The following CYP46A1 variants were observed in gnomAD, a reference collection of about 807,000 sequenced individuals.
CYP46A1 encodes cytochrome P450 family 46 subfamily A member 1.
In CYP46A1, 20 loss-of-function variants were observed where a neutral mutation model predicts 63.3. The observed-to-expected ratio is 0.32, with a 90% CI of 0.22 to 0.46. CYP46A1 has a LOEUF of 0.46. Ranked by LOEUF, CYP46A1 falls within the 20% of genes least tolerant of loss-of-function variation. CYP46A1 has a pLI of 1.00. For missense variants in CYP46A1, 445 were observed against 670.8 expected (o/e 0.66, Z 3.72); for synonymous variants, 268 against 273.6 (o/e 0.98, Z 0.20).
chr14:99,684,441 C>G lies in CYP46A1; in HGVS notation c.24C>G (p.Leu8=), dbSNP rs894318358. 30 of 1,469,340 alleles carry G rather than the reference C, an allele frequency of 2.0e-5. No individual in the cohort carries two copies. The highest frequency in any genetic ancestry group is 1.6e-4 in the African/African-American group (11 of 67,876). 91.0% of individuals were successfully genotyped at this position (1,469,340 alleles called of 1,614,324 possible). Residue 8 remains leucine (L), a synonymous_variant, in exon 1 of 15, where the codon CTC becomes CTG. Coordinates refer to ENST00000261835, the MANE Select transcript of CYP46A1 (RefSeq NM_006668.2). MSPGLLL[L]GSAVLLAFGL... ...CCATGAGCCCCGGGCTGCTGCTGCT[C>G]GGCAGCGCCGTCCTGCTCGCCTTCG...
chr14:99,696,609 A>G (rs550131154), intron 3 of CYP46A1, among the ~76,000 whole-genome samples: 1 of 152,178 alleles, frequency 6.6e-6, no homozygotes, highest in East Asian at 1.9e-4. Flanking sequence ...TATTTGCTGT[A>G]CTTTTCTTTG....
chr14:99,690,475 T>C (rs1057433816), intron 1 of CYP46A1, among the ~76,000 whole-genome samples: 1 of 152,188 alleles, frequency 6.6e-6, no homozygotes, highest in African/African-American at 2.4e-5. Context: ...GCATTGAGCT[T>C]GGTAGGAATA....
intron 6 of CYP46A1, 64 bp from the exon 7 acceptor site, chr14:99,707,504 C>G: frequency 7.5e-7 from 1 of 1,337,796 alleles, no homozygotes; most frequent in Non-Finnish European, 1.1e-6. Flanking sequence ...TGATGCCAGG[C>G]TTTGCCCTGG....
Position 99,691,106 on chromosome 14 carries a change from T to C in CYP46A1, c.145T>C (p.Phe49Leu). Residue 49 changes from phenylalanine (F) to leucine (L), a missense_variant, in exon 2 of 15, where the codon TTT becomes CTT. By Grantham distance (22) the Phe-to-Leu change is conservative. Around this residue, in one of 4 missense-constraint regions of CYP46A1, gnomAD observed 252 missense variants for 383.3 expected, o/e 0.66. Coordinates refer to ENST00000261835, the MANE Select transcript of CYP46A1 (RefSeq NM_006668.2). ...TTTCCTTCTAGGACACCTCCCCTGC[T>C]TTTGGAAAAAGGATGAGGTTGGTGG... ...PSFLLGHLPC[F>L]WKKDEVGGRV... 1 of 1,614,198 alleles carries C rather than the reference T, an allele frequency of 6.2e-7. No homozygotes were observed. Among genetic ancestry groups the C allele is most frequent in the Non-Finnish European group, 8.5e-7 (1 of 1,180,032 alleles).
intron 1 of CYP46A1, among the ~76,000 whole-genome samples, chr14:99,688,228 G>A (rs1042612004): frequency 6.6e-6 from 1 of 152,182 alleles, no homozygotes; most frequent in Non-Finnish European, 1.5e-5. Flanking sequence ...CCAGGCATGT[G>A]TGATGATCAC....
chr14:99,726,467 G>T (rs1310063572), intron 14 of CYP46A1, 90 bp from the exon 15 acceptor site: 2 of 1,345,330 alleles, frequency 1.5e-6, no homozygotes, highest in East Asian at 2.6e-5. Context: ...CTCTCCAGGA[G>T]GAGAGCCGGC....
intron 2 of CYP46A1, chr14:99,691,529 CAAA>C: frequency 1.7e-6 from 1 of 577,888 alleles, no homozygotes; most frequent in Non-Finnish European, 3.1e-6. Context: ...TTGGGACAAT[CAAA>C]GAAGGAGTGT....
chr14:99,719,132 A>G (rs926014101), intron 10 of CYP46A1, among the ~76,000 whole-genome samples: 3 of 152,150 alleles, frequency 2.0e-5, no homozygotes, highest in Non-Finnish European at 4.4e-5. Flanking sequence ...TATACATAAC[A>G]TAAAATTTTA....
intron 5 of CYP46A1, chr14:99,703,565 T>C: frequency 1.0e-6 from 1 of 985,258 alleles, no homozygotes; most frequent in Non-Finnish European, 1.2e-6. Context: ...CTGGCATCTC[T>C]GCTGTTCCCA....
intron 13 of CYP46A1, 124 bp from the exon 14 acceptor site, chr14:99,726,066 A>C: frequency 1.2e-6 from 1 of 814,652 alleles, no homozygotes; most frequent in South Asian, 1.6e-5. Context: ...TTGCATGCAA[A>C]GTGCCCAGCC....
chr14:99,685,842 T>G (rs574226997), intron 1 of CYP46A1, among the ~76,000 whole-genome samples: 1 of 152,040 alleles, frequency 6.6e-6, no homozygotes, highest in South Asian at 2.1e-4. Flanking sequence ...CTTGCTTAGC[T>G]CCTCTGCCTT....
At chr14:99,695,692 G>T (rs906409712) in intron 3 of CYP46A1, among the ~76,000 whole-genome samples, 3 of 150,906 alleles carry the variant, frequency 2.0e-5, no homozygotes, top group Non-Finnish European at 2.9e-5. Flanking sequence ...GTGCAATGGC[G>T]CTATCTCGGC....
intron 7 of CYP46A1, chr14:99,712,224 A>G (rs1320450601): frequency 3.9e-5 from 6 of 152,212 alleles, no homozygotes; most frequent in African/African-American, 1.4e-4. Flanking sequence ...TAAGAACTGG[A>G]ACAGGATAAG....
At chr14:99,723,318 T>C (rs1446594706) in intron 12 of CYP46A1, among the ~76,000 whole-genome samples, 1 of 152,224 alleles carries the variant, frequency 6.6e-6, no homozygotes, top group Non-Finnish European at 1.5e-5. Context: ...ATTTTCATTA[T>C]TTTGTTTTTA....
In CYP46A1 at chr14:99,725,103, T is replaced by C. The variant is rs1431735883; in HGVS notation, c.1177-288T>C. On this transcript the variant is annotated intron_variant, in intron 12 of 14. Coordinates refer to ENST00000261835, the MANE Select transcript of CYP46A1 (RefSeq NM_006668.2). The surrounding 1 kb of genome is among the most constrained non-coding windows in gnomAD (Gnocchi z 4.2). ...CTGAGCCTCTCTCTGGGTCTCAGTT[T>C]CCTCATCTGTAAAATGGGGACAATG... 6.6e-6 allele frequency among the ~76,000 whole-genome samples: 1 copy of C among 152,186 alleles called. No homozygotes were observed. Among genetic ancestry groups the C allele is most frequent in the Non-Finnish European group, 1.5e-5 (1 of 68,026 alleles).
intron 5 of CYP46A1, among the ~76,000 whole-genome samples, chr14:99,701,485 T>C (rs1010150202): frequency 2.0e-5 from 3 of 152,238 alleles, no homozygotes; most frequent in African/African-American, 7.2e-5. Context: ...AGCAATAGTC[T>C]AGACCATATG....
intron 7 of CYP46A1, chr14:99,709,234 A>G (rs973265436): frequency 6.6e-6 from 1 of 152,202 alleles, no homozygotes; most frequent in Non-Finnish European, 1.5e-5. Context: ...TGTCTGAAAA[A>G]GAATTCAAAA....
At chr14:99,701,829 G>T (rs1344547646) in intron 5 of CYP46A1, among the ~76,000 whole-genome samples, 1 of 152,142 alleles carries the variant, frequency 6.6e-6, no homozygotes, top group Non-Finnish European at 1.5e-5. Context: ...CAGCACTTTG[G>T]GGGGCCAAGG....
intron 12 of CYP46A1, chr14:99,723,075 T>C: frequency 3.7e-6 from 1 of 272,146 alleles, no homozygotes; most frequent in Non-Finnish European, 7.8e-6. Flanking sequence ...CTTAGCATGG[T>C]CCGATTTTGT....
Sources: allele counts gnomAD v4.1 joint callset (sites outside exome capture counted in the v4.1 genomes callset), GRCh38; gene constraint gnomAD v4.1.1; regional missense constraint gnomAD v4.1.1; non-coding constraint Gnocchi (gnomAD v3.1); transcripts MANE v1.5; gene names NCBI Gene and HGNC (gene_info 2026-07-23, HGNC 2026-07-21).